CDH12: variants seen among roughly 807,000 people sequenced by gnomAD.
CDH12 encodes cadherin 12, also known as cadherin-12.
A neutral mutation model predicts 74.1 loss-of-function variants in CDH12; 41 were observed. The observed-to-expected ratio is 0.55, with a 90% CI of 0.43 to 0.72. The LOEUF is 0.72. Ranked by LOEUF, CDH12 falls within the 30% of genes least tolerant of loss-of-function variation. The pLI is 0.00. For missense variants in CDH12, 945 were observed against 977.2 expected (o/e 0.97, Z 0.44); for synonymous variants, 399 against 355.0 (o/e 1.12, Z -1.39).
intron 1 of CDH12, among the ~76,000 whole-genome samples, chr5:22,733,438 TC>T (rs1047126175): frequency 2.0e-5 from 3 of 149,934 alleles, no homozygotes; most frequent in African/African-American, 7.4e-5. Flanking sequence ...TCTTTGTGAA[TC>T]TTTTTTTTTT....
chr5:22,813,559 T>G (rs1749249397), intron 1 of CDH12, among the ~76,000 whole-genome samples: 1 of 152,266 alleles, frequency 6.6e-6, no homozygotes, highest in Non-Finnish European at 1.5e-5. Context: ...GCTTTAGATA[T>G]AGTACAGCGA....
chr5:22,507,931 C>T (rs1561455785), intron 1 of CDH12, among the ~76,000 whole-genome samples: 1 of 152,164 alleles, frequency 6.6e-6, no homozygotes, highest in Non-Finnish European at 1.5e-5. Context: ...CTTGTGGCCA[C>T]TTTCAGTATT....
At chr5:21,870,627 C>T (rs1006723218) in intron 6 of CDH12, among the ~76,000 whole-genome samples, 10 of 152,116 alleles carry the variant, frequency 6.6e-5, no homozygotes, top group Admixed American at 6.5e-5. Flanking sequence ...ACAATAAGAT[C>T]TGCTTTGTTC....
chr5:22,667,795 T>C (rs1740697322), intron 1 of CDH12, among the ~76,000 whole-genome samples: 1 of 152,226 alleles, frequency 6.6e-6, no homozygotes, highest in Non-Finnish European at 1.5e-5. Flanking sequence ...AGGATAAATA[T>C]GCCCCATGTC....
intron 6 of CDH12, among the ~76,000 whole-genome samples, chr5:21,972,976 G>T (rs1321963015): frequency 6.6e-6 from 1 of 151,072 alleles, no homozygotes; most frequent in Non-Finnish European, 1.5e-5. Context: ...CCAAGGTGGA[G>T]GGATCATTTG....
chr5:22,326,884 A>G (rs1305972808), intron 3 of CDH12, among the ~76,000 whole-genome samples: 1 of 152,236 alleles, frequency 6.6e-6, no homozygotes, highest in Admixed American at 6.5e-5. Context: ...TATATATTGT[A>G]TGAAAGCCTG....
At chr5:21,965,512 C>T (rs1339838168) in intron 6 of CDH12, among the ~76,000 whole-genome samples, 2 of 151,704 alleles carry the variant, frequency 1.3e-5, no homozygotes, top group African/African-American at 2.4e-5. Flanking sequence ...ATTTCTTTTT[C>T]GTTGTGTGCC....
intron 4 of CDH12, among the ~76,000 whole-genome samples, chr5:22,149,465 G>A (rs1377377258): frequency 6.6e-6 from 1 of 152,080 alleles, no homozygotes; most frequent in African/African-American, 2.4e-5. Context: ...CCAATCTCAA[G>A]CCATCCTTAG....
rs113025236 is a variant in CDH12 at position 22,191,908 on chromosome 5, T to C, written c.-187+20590A>G. Among the ~76,000 whole-genome samples, 1,222 of 149,496 alleles carry C rather than the reference T, an allele frequency of 8.2e-3. 19 individuals are homozygous for C. Among genetic ancestry groups the C allele is most frequent in the African/African-American group, 0.028 (1,163 of 40,918 alleles). On this transcript the variant is annotated intron_variant, in intron 4 of 14. Coordinates refer to ENST00000382254, the MANE Select transcript of CDH12 (RefSeq NM_004061.5). Reference sequence around the variant, plus strand: ...ACAGATTCTTTCATATATGTGTTCATGTATGCCAAAATTAATACTCATGTT... The same window carrying C: ...ACAGATTCTTTCATATATGTGTTCACGTATGCCAAAATTAATACTCATGTT...
At chr5:22,530,477 A>C (rs1461141080) in intron 1 of CDH12, among the ~76,000 whole-genome samples, 1 of 151,374 alleles carries the variant, frequency 6.6e-6, no homozygotes, top group Non-Finnish European at 1.5e-5. Flanking sequence ...TGAAGAAATT[A>C]GTCCACTAAA....
intron 1 of CDH12, among the ~76,000 whole-genome samples, chr5:22,848,431 A>T (rs148532187): frequency 2.4e-4 from 37 of 152,270 alleles, no homozygotes; most frequent in African/African-American, 8.9e-4. Context: ...ATCTTGCAAG[A>T]CTTTATCCCC....
At chr5:22,732,094 A>C (rs1441671995) in intron 1 of CDH12, among the ~76,000 whole-genome samples, 2 of 151,814 alleles carry the variant, frequency 1.3e-5, no homozygotes, top group Non-Finnish European at 2.9e-5. Flanking sequence ...TGTTTTAAGC[A>C]ACAGAAATAT....
chr5:22,341,836 T>C (rs1303406452), intron 3 of CDH12, among the ~76,000 whole-genome samples: 1 of 152,104 alleles, frequency 6.6e-6, no homozygotes, highest in Non-Finnish European at 1.5e-5. Context: ...GGTGCTTTCA[T>C]TCCTAGAAAT....
At chr5:22,213,476 T>TA (rs1309003947) in intron 3 of CDH12, 1 of 152,204 alleles carries the variant, frequency 6.6e-6, no homozygotes, top group Non-Finnish European at 1.5e-5. Flanking sequence ...ACTGATTTCC[T>TA]AAAACAAAAA....
chr5:22,139,822 A>G (rs549439369), intron 4 of CDH12, among the ~76,000 whole-genome samples: 25 of 152,262 alleles, frequency 1.6e-4, no homozygotes, highest in Admixed American at 5.2e-4. Context: ...ATCACGTTCG[A>G]GCTGGAGAGC....
At chr5:22,623,533 G>C (rs945994485) in intron 1 of CDH12, among the ~76,000 whole-genome samples, 1 of 152,220 alleles carries the variant, frequency 6.6e-6, no homozygotes, top group Middle Eastern at 3.4e-3. Context: ...GACAAACAGA[G>C]AGCCAAATCA....
intron 4 of CDH12, chr5:22,143,656 T>A (rs1746961269): frequency 1.3e-5 from 2 of 152,266 alleles, no homozygotes; most frequent in African/African-American, 4.8e-5. Flanking sequence ...CGTGCACCAC[T>A]GAGTCCAGCC....
chr5:21,810,202 A>T (rs1747673013), intron 9 of CDH12, among the ~76,000 whole-genome samples: 1 of 152,162 alleles, frequency 6.6e-6, no homozygotes, highest in Non-Finnish European at 1.5e-5. Context: ...AACTGATTTA[A>T]GTAAGATGAA....
At chr5:22,678,054 G>GGC (rs1741304783) in intron 1 of CDH12, among the ~76,000 whole-genome samples, 1 of 151,042 alleles carries the variant, frequency 6.6e-6, no homozygotes, top group Non-Finnish European at 1.5e-5. Context: ...TGGGGGGGGG[G>GGC]GTTAGGATTT....
Sources: gnomAD v4.1 joint callset for allele counts (sites outside exome capture counted in the v4.1 genomes callset) on GRCh38, gnomAD v4.1.1 for gene constraint, MANE v1.5 for transcripts, NCBI Gene and HGNC (gene_info 2026-07-23, HGNC 2026-07-21) for gene names.